ROBO1: variants seen among roughly 807,000 people sequenced by gnomAD.
ROBO1 encodes the protein roundabout guidance receptor 1, also known as roundabout homolog 1.
In ROBO1, 149 loss-of-function variants were observed where a neutral mutation model predicts 195.9. The ratio of observed to expected loss-of-function variants is 0.76; its 90% CI spans 0.67 to 0.87. The LOEUF (loss-of-function observed/expected upper bound fraction) is 0.87, where lower values mean the gene tolerates loss of function less well. Ranked by LOEUF, ROBO1 falls within the 40% of genes least tolerant of loss-of-function variation. The probability of loss-of-function intolerance (pLI) is 0.00; values close to 1 mark genes in which losing one functional copy is unlikely to be tolerated. For missense variants in ROBO1, 1,933 were observed against 2,068.3 expected, an observed-to-expected ratio of 0.93 and a Z score of 1.27; for synonymous variants, 816 against 733.2, an observed-to-expected ratio of 1.11 and a Z score of -1.82.
intron 3 of ROBO1, among the ~76,000 whole-genome samples, chr3:78,968,640 A>G (rs1168393222): frequency 6.6e-6 from 1 of 152,088 alleles, no homozygotes; most frequent in Non-Finnish European, 1.5e-5. Flanking sequence ...GAAGAAATTA[A>G]AGAATCAAAT....
At chr3:79,754,727 C>T (rs1329053206) in intron 1 of ROBO1, among the ~76,000 whole-genome samples, 1 of 152,126 alleles carries the variant, frequency 6.6e-6, no homozygotes, top group African/African-American at 2.4e-5. Flanking sequence ...TTCTTTGCTG[C>T]TCTGGAATTA....
chr3:79,532,839 A>G (rs935656401), intron 2 of ROBO1, among the ~76,000 whole-genome samples: 4 of 152,012 alleles, frequency 2.6e-5, no homozygotes, highest in African/African-American at 9.7e-5. Flanking sequence ...GTTTTCCCTG[A>G]CTCCAGAAGC....
At chr3:78,695,233 C>T (rs2684377) in intron 8 of ROBO1, among the ~76,000 whole-genome samples, 61,983 of 151,804 alleles carry the variant, frequency 0.41, 13,948 homozygotes, top group Middle Eastern at 0.55. Context: ...CAAACCTGCA[C>T]GTTGTACACA....
chr3:79,540,386 A>G (rs763079803), intron 2 of ROBO1, among the ~76,000 whole-genome samples: 7 of 152,236 alleles, frequency 4.6e-5, no homozygotes, highest in Non-Finnish European at 8.8e-5. Context: ...TTAGTTTTAT[A>G]GGTTACATTC....
At chr3:79,681,875 G>T (rs139711190) in intron 1 of ROBO1, among the ~76,000 whole-genome samples, 2 of 151,878 alleles carry the variant, frequency 1.3e-5, no homozygotes, top group South Asian at 2.1e-4. Flanking sequence ...AATATTAGAC[G>T]TATTTTTATT....
At position 79,445,203 on chromosome 3, in the gene ROBO1, T is replaced by G. The variant is rs76625599; in HGVS notation, c.88+144621A>C. 9.4e-3 allele frequency among the ~76,000 whole-genome samples: 1,432 copies of G among 152,122 alleles called. 16 individuals are homozygous for G. The highest frequency in any genetic ancestry group is 0.016 in the Non-Finnish European group (1,109 of 67,976). On this transcript the variant is annotated intron_variant, in intron 2 of 30. Transcript: ENST00000464233. ...TTTAAGTCCCATTCACTATTTTTTT[T>G]TGTGTCATAAGATACATATTTGCGT...
intron 2 of ROBO1, among the ~76,000 whole-genome samples, chr3:79,282,519 T>C (rs543278988): frequency 6.6e-6 from 1 of 152,312 alleles, no homozygotes; most frequent in African/African-American, 2.4e-5. Flanking sequence ...AGCAAATGAA[T>C]TTGTAAAACA....
intron 3 of ROBO1, among the ~76,000 whole-genome samples, chr3:78,969,114 T>C (rs2076709943): frequency 6.6e-6 from 1 of 152,192 alleles, no homozygotes; most frequent in South Asian, 2.1e-4. Context: ...CATTGCTCCA[T>C]AAACTAATAA....
chr3:78,990,937 A>G (rs1455891001), intron 3 of ROBO1, among the ~76,000 whole-genome samples: 1 of 152,236 alleles, frequency 6.6e-6, no homozygotes, highest in East Asian at 1.9e-4. Flanking sequence ...TAAAATAAGT[A>G]TAATTTAAAT....
In ROBO1 at chr3:78,746,832, C is replaced by T. The variant is rs763676036; in HGVS notation, c.568G>A (p.Glu190Lys). Residue 190 changes from glutamate to lysine, a missense_variant, in exon 5 of 31, where the codon GAA becomes AAA. Transcript: ENST00000464233. ...MVAVGEPAVM[E>K]CQPPRGHPEP... ...GGATGGCCTCGTGGAGGTTGGCATT[C>T]CATTACTGCAGGCTCTCCTACTGCA... 1 of 1,602,518 alleles carries T rather than the reference C, an allele frequency of 6.2e-7. No homozygotes were observed. Among genetic ancestry groups the T allele is most frequent in the Admixed American group, 1.7e-5 (1 of 59,594 alleles).
At chr3:79,080,625 A>C (rs2079255472) in intron 3 of ROBO1, among the ~76,000 whole-genome samples, 1 of 152,116 alleles carries the variant, frequency 6.6e-6, no homozygotes, top group Non-Finnish European at 1.5e-5. Flanking sequence ...AAGCATTATT[A>C]CTATTAATGC....
intron 5 of ROBO1, among the ~76,000 whole-genome samples, chr3:78,741,271 A>G (rs376284391): frequency 2.2e-4 from 34 of 152,332 alleles, no homozygotes; most frequent in African/African-American, 7.9e-4. Context: ...TCCAATACAA[A>G]GTATGAGAAA....
At chr3:79,718,992 C>T (rs1267343170) in intron 1 of ROBO1, among the ~76,000 whole-genome samples, 1 of 151,872 alleles carries the variant, frequency 6.6e-6, no homozygotes, top group Non-Finnish European at 1.5e-5. Flanking sequence ...TATTAATAGC[C>T]ACTGCAGCAA....
Position 78,600,128 on chromosome 3 carries a change from A to T in ROBO1, c.4926T>A (p.Asn1642Lys). The change falls in exon 30 of 31, where the codon AAT becomes AAA. Residue 1642 changes from asparagine (N) to lysine (K), a missense_variant. By Grantham distance (94) the Asn-to-Lys change is moderately conservative. Coordinates refer to ENST00000464233, the MANE Select transcript of ROBO1 (RefSeq NM_002941.4). ...VLGGYERGED[N>K]NEELEETES ...TTATAGATACCTCTAATTCTTCATT[A>T]TTATCTTCTCCTCTTTCATATCCTC... 1.2e-6 allele frequency: 2 copies of T among 1,612,326 alleles called. No individual in the cohort carries two copies. Among genetic ancestry groups the T allele is most frequent in the Non-Finnish European group, 1.7e-6 (2 of 1,178,758 alleles).
intron 3 of ROBO1, among the ~76,000 whole-genome samples, chr3:78,941,779 G>A (rs2040158934): frequency 6.6e-6 from 1 of 152,204 alleles, no homozygotes; most frequent in African/African-American, 2.4e-5. Context: ...CAGAGACTGT[G>A]AAGTGTAAGT....
At chr3:79,286,230 C>T (rs1467347915) in intron 2 of ROBO1, among the ~76,000 whole-genome samples, 1 of 152,160 alleles carries the variant, frequency 6.6e-6, no homozygotes, top group African/African-American at 2.4e-5. Context: ...GAAGTGTACA[C>T]TTCTTTCTTT....
intron 2 of ROBO1, among the ~76,000 whole-genome samples, chr3:79,543,958 G>C (rs1220066653): frequency 8.6e-5 from 13 of 151,942 alleles, no homozygotes; most frequent in Admixed American, 8.5e-4. Flanking sequence ...AAAATGTTTA[G>C]ACTAAACAAA....
intron 2 of ROBO1, among the ~76,000 whole-genome samples, chr3:79,225,172 G>A (rs911204987): frequency 1.3e-5 from 2 of 151,644 alleles, no homozygotes; most frequent in African/African-American, 2.4e-5. Context: ...CTTTGGGGGG[G>A]AAATAATAAT....
intron 2 of ROBO1, among the ~76,000 whole-genome samples, chr3:79,250,782 G>A (rs561440434): frequency 5.3e-5 from 8 of 152,184 alleles, no homozygotes; most frequent in South Asian, 2.1e-4. Context: ...AGGGCCAGGC[G>A]CGTTGGCTCA....
Sources: allele counts gnomAD v4.1 joint callset (sites outside exome capture counted in the v4.1 genomes callset), GRCh38; gene constraint gnomAD v4.1.1; transcripts MANE v1.5; gene names NCBI Gene and HGNC (gene_info 2026-07-23, HGNC 2026-07-21).